The following KNG1 variants were observed in gnomAD, a reference collection of about 807,000 sequenced individuals.
The protein encoded by KNG1 is kininogen-1.
KNG1 carries 23 observed loss-of-function variants against 47.8 expected under a neutral mutation model. That is an observed-to-expected ratio of 0.48 (90% CI 0.35 to 0.68). KNG1 has a LOEUF of 0.68. KNG1 is among the 30% of genes least tolerant of loss of function. KNG1 has a pLI of 0.01. For synonymous variants in KNG1, 277 were observed against 277.0 expected (o/e 1.00, Z 0.00); for missense variants, 762 against 790.2 (o/e 0.96, Z 0.43).
At chr3:186,717,817 C>G in intron 1 of KNG1, 80 bp downstream of exon 1, 1 of 970,022 alleles carries the variant, frequency 1.0e-6, no homozygotes, top group Non-Finnish European at 1.6e-6. Context: ...CACACACACA[C>G]ATACCACCAC....
rs746124079 is a variant in KNG1, at chr3:186,739,363, A to G, written c.1074A>G (p.Val358=). 5.6e-5 allele frequency: 91 copies of G among 1,613,864 alleles called. No individual in the cohort carries two copies. Among genetic ancestry groups the G allele is most frequent in the Non-Finnish European group, 7.3e-5 (86 of 1,179,880 alleles). Residue 358 remains valine (V), a synonymous_variant, in exon 9 of 10, where the codon GTA becomes GTG. Coordinates refer to ENST00000644859, the MANE Select transcript of KNG1 (RefSeq NM_001102416.3). ...SLDCNAEVYV[V]PWEKKIYPTV... is the part of the protein sequence containing the mutation. ...ATTGCAACGCTGAAGTTTATGTGGTACCCTGGGAGAAAAAAATTTACCCTA... is the reference window on the plus strand; with the variant it reads ...ATTGCAACGCTGAAGTTTATGTGGTGCCCTGGGAGAAAAAAATTTACCCTA...
chr3:186,725,007 A>T (rs1332503297), intron 3 of KNG1, 81 bp from the exon 4 acceptor site: 1 of 1,495,914 alleles, frequency 6.7e-7, no homozygotes, highest in Non-Finnish European at 9.2e-7. Context: ...CACCACGCCC[A>T]GCCTCTTCTT....
At chr3:186,734,297 T>G (rs895729011) in intron 7 of KNG1, among the ~76,000 whole-genome samples, 2 of 152,202 alleles carry the variant, frequency 1.3e-5, no homozygotes, top group African/African-American at 2.4e-5. Flanking sequence ...ATGAGAATGA[T>G]TAGATCATGT....
intron 6 of KNG1, among the ~76,000 whole-genome samples, 177 bp from the exon 7 acceptor site, chr3:186,732,325 G>C (rs370575489): frequency 2.6e-5 from 4 of 152,148 alleles, no homozygotes; most frequent in African/African-American, 9.7e-5. Flanking sequence ...CTCTGAGGAG[G>C]AGAAAAGAAG....
Position 186,742,437 on chromosome 3 carries a change from A to G in KNG1, c.*106A>G, listed in dbSNP as rs542198526. ...TGATATAATGCACCAAAAACCATGC[A>G]GCTTCGGAACAGTCTAAAGAGAAGT... On this transcript the variant is annotated 3_prime_UTR_variant, in exon 10 of 10. Transcript: ENST00000644859. 3 of 1,554,412 alleles carry G rather than the reference A, an allele frequency of 1.9e-6. No homozygotes were observed. The highest frequency in any genetic ancestry group is 2.4e-5 in the East Asian group (1 of 42,322).
rs1483595003 is a variant in KNG1, at chr3:186,717,881, ACAACCACCACCACCACCC to A, written c.195+145_195+162del. 5.0e-3 allele frequency: 1,047 copies of A among 210,216 alleles called. 15 individuals are homozygous for A. In the East Asian group the frequency reaches 0.069, roughly 14 times the overall value. 13.0% of individuals were successfully genotyped at this position (210,216 alleles called of 1,614,324 possible). A position where few individuals can be genotyped will look rare whatever the true frequency, so the allele number is the denominator to read the frequency against. On this transcript the variant is annotated intron_variant, in intron 1 of 9. Coordinates refer to ENST00000644859, the MANE Select transcript of KNG1 (RefSeq NM_001102416.3). ...ACCACCATCACCCACCACCACCACC[ACAACCACCACCACCACCC>A]ACCACCACCACCACCATCCACCACC...
At chr3:186,732,475 T>C (rs1354400288) in intron 6 of KNG1, 27 bp from the exon 7 acceptor site, 10 of 1,612,040 alleles carry the variant, frequency 6.2e-6, no homozygotes, top group African/African-American at 1.3e-5. Context: ...TCAGTGTACA[T>C]GTTGACTTAA....
Position 186,742,221 on chromosome 3 carries a change from A to G in KNG1, c.1825A>G (p.Thr609Ala). 6.2e-7 allele frequency: 1 copy of G among 1,614,210 alleles called. No individual in the cohort carries two copies. Among genetic ancestry groups the G allele is most frequent in the Non-Finnish European group, 8.5e-7 (1 of 1,180,038 alleles). ...TAACCCAATATCAGATTTTCCAGACACGACCTCCCCAAAATGTCCTGGACG... is the reference window on the plus strand; with the variant it reads ...TAACCCAATATCAGATTTTCCAGACGCGACCTCCCCAAAATGTCCTGGACG... ...SFNPISDFPDTTSPKCPGRPW... is the reference protein window; with the variant it reads ...SFNPISDFPDATSPKCPGRPW... The change falls in exon 10 of 10, where the codon ACG (threonine) becomes GCG (alanine). Residue 609 changes from threonine (T) to alanine (A), a missense_variant. Physicochemically the swap from Thr to Ala is moderately conservative, Grantham distance 58. Coordinates refer to ENST00000644859, the MANE Select transcript of KNG1 (RefSeq NM_001102416.3).
Position 186,742,707 on chromosome 3 carries a change from A to G in KNG1, c.*376A>G. The G allele has an allele frequency of 9.6e-7, 1 of 1,044,508 alleles. No homozygotes were observed. The highest frequency in any genetic ancestry group is 1.2e-6 in the Non-Finnish European group (1 of 866,922). 64.7% of individuals were successfully genotyped at this position (1,044,508 alleles called of 1,614,324 possible). On this transcript the variant is annotated 3_prime_UTR_variant, in exon 10 of 10. Coordinates refer to ENST00000644859, the MANE Select transcript of KNG1 (RefSeq NM_001102416.3). ...TTCTTAATAAACTGTGGCACTTGGT[A>G]TTTGAATGTGTGTGAAAATAAGGGA...
Position 186,741,683 on chromosome 3 carries a change from T to G in KNG1, c.1287T>G (p.His429Gln). The change falls in exon 10 of 10, where the codon CAT (histidine) becomes CAG (glutamine). Residue 429 changes from histidine to glutamine, a missense_variant. By Grantham distance (24) the His-to-Gln change is conservative. Transcript: ENST00000644859. ...AAGAACAAGGGCATACTCGTAGACA[T>G]GACTGGGGCCATGAAAAACAAAGAA... is the stretch of plus-strand genomic sequence containing the variant. ...SGKEQGHTRRHDWGHEKQRKH... is the reference protein window; with the variant it reads ...SGKEQGHTRRQDWGHEKQRKH... 1 of 1,614,152 alleles carries G rather than the reference T, an allele frequency of 6.2e-7. No individual in the cohort carries two copies. Among genetic ancestry groups the G allele is most frequent in the Non-Finnish European group, 8.5e-7 (1 of 1,180,034 alleles).
chr3:186,721,934 A>T (rs1656912), intron 2 of KNG1: 2 of 166,026 alleles, frequency 1.2e-5, no homozygotes, highest in African/African-American at 2.4e-5. Context: ...TGACCAACGT[A>T]GTGAAACCCT....
chr3:186,741,415 C>T, intron 9 of KNG1, 107 bp from the exon 10 acceptor site: 1 of 974,932 alleles, frequency 1.0e-6, no homozygotes. Context: ...TGGCAAACAC[C>T]TCCCCCATTG....
intron 9 of KNG1, among the ~76,000 whole-genome samples, chr3:186,740,270 C>T (rs574480927): frequency 8.9e-4 from 136 of 152,244 alleles, no homozygotes; most frequent in African/African-American, 3.1e-3. Flanking sequence ...CTCTGAGGTC[C>T]TGAGTGAATA....
At chr3:186,719,969 G>T (rs776161217) in intron 1 of KNG1, 136 bp from the exon 2 acceptor site, 73 of 703,474 alleles carry the variant, frequency 1.0e-4, no homozygotes, top group Non-Finnish European at 1.6e-4. Flanking sequence ...GTTTATGATA[G>T]AAATATAAAT....
At chr3:186,728,136 T>A (rs1162420637) in intron 5 of KNG1, among the ~76,000 whole-genome samples, 2 of 152,202 alleles carry the variant, frequency 1.3e-5, no homozygotes, top group Non-Finnish European at 2.9e-5. Context: ...CTTCTTAGCA[T>A]CGTATCTTGT....
rs5030055 is a variant in KNG1, at chr3:186,733,922, C to T, written c.930+1248C>T. ...GGCGGAGGTTGCAATGAGCCGAGAC[C>T]GTGTCATTGCACTCCAGCCTGGGCA... On this transcript the variant is annotated intron_variant, in intron 7 of 9. Coordinates refer to ENST00000644859, the MANE Select transcript of KNG1 (RefSeq NM_001102416.3). 3.6e-3 allele frequency among the ~76,000 whole-genome samples: 549 copies of T among 152,062 alleles called. 4 individuals carry two copies. Among genetic ancestry groups the T allele is most frequent in the African/African-American group, 0.013 (533 of 41,466 alleles).
At chr3:186,739,008 TTTCAAGA>T in intron 7 of KNG1, 84 bp from the exon 8 acceptor site, 2 of 1,121,758 alleles carry the variant, frequency 1.8e-6, no homozygotes, top group Non-Finnish European at 2.6e-6. Context: ...TCAATTAAAA[TTTCAAGA>T]TTCTCCCTTA....
chr3:186,718,154 GCCACCCA>G (rs1304761416), intron 1 of KNG1: 1 of 15,924 alleles, frequency 6.3e-5, no homozygotes, highest in East Asian at 1.2e-3. Flanking sequence ...CACCACCACC[GCCACCCA>G]CCACCCACCA....
intron 7 of KNG1, 81 bp from the exon 8 acceptor site, chr3:186,739,018 C>G: frequency 8.5e-7 from 1 of 1,174,344 alleles, no homozygotes; most frequent in South Asian, 1.3e-5. Flanking sequence ...TTTCAAGATT[C>G]TCCCTTAACA....
Sources: gnomAD v4.1 joint callset for allele counts (sites outside exome capture counted in the v4.1 genomes callset) on GRCh38, gnomAD v4.1.1 for gene constraint, MANE v1.5 for transcripts, NCBI Gene and HGNC (gene_info 2026-07-23, HGNC 2026-07-21) for gene names.